The following THSD4 variants were observed in gnomAD, a reference collection of about 807,000 sequenced individuals.
THSD4 encodes the protein thrombospondin type-1 domain-containing protein 4.
THSD4 carries 69 observed loss-of-function variants against 119.0 expected under a neutral mutation model. That is an observed-to-expected ratio of 0.58 (90% CI 0.48 to 0.71). The LOEUF is 0.71. THSD4 is among the 30% of genes least tolerant of loss of function. THSD4 has a pLI of 0.00. For synonymous variants in THSD4, 524 were observed against 540.4 expected (o/e 0.97, Z 0.42); for missense variants, 1,393 against 1,391.1 (o/e 1.00, Z -0.02).
chr15:71,388,087 A>G (rs971772045), intron 6 of THSD4, among the ~76,000 whole-genome samples: 2 of 152,240 alleles, frequency 1.3e-5, no homozygotes, highest in Non-Finnish European at 2.9e-5. Flanking sequence ...TCAGGATATC[A>G]CACTTTCTCT....
At chr15:71,121,770 G>T (rs560865734) in intron 1 of THSD4, among the ~76,000 whole-genome samples, 2 of 152,260 alleles carry the variant, frequency 1.3e-5, no homozygotes, top group South Asian at 4.1e-4. Context: ...AGAGAATGCA[G>T]CTGTCTTGAG....
chr15:71,637,728 ATT>A (rs199604356), intron 7 of THSD4, among the ~76,000 whole-genome samples: 1 of 144,728 alleles, frequency 6.9e-6, no homozygotes, highest in Non-Finnish European at 1.5e-5. Context: ...CACATTATGA[ATT>A]TTTTTTTTTT....
chr15:71,770,229 C>G (rs1408243019), intron 16 of THSD4, among the ~76,000 whole-genome samples: 1 of 77,072 alleles, frequency 1.3e-5, no homozygotes, highest in Non-Finnish European at 2.3e-5. Context: ...GCCTGGGCAA[C>G]AAGAGGGAAA....
At chr15:71,585,853 C>T (rs983070242) in intron 7 of THSD4, among the ~76,000 whole-genome samples, 7 of 151,926 alleles carry the variant, frequency 4.6e-5, no homozygotes, top group African/African-American at 9.7e-5. Flanking sequence ...CTTTCTTCTG[C>T]GTGATTGAGT....
chr15:71,675,237 T>A (rs1350361589), intron 8 of THSD4, among the ~76,000 whole-genome samples: 2 of 152,204 alleles, frequency 1.3e-5, no homozygotes, highest in Non-Finnish European at 2.9e-5. Flanking sequence ...CCTTTCTTGC[T>A]TTCTTAATAC....
chr15:71,132,479 T>C (rs2040512398), intron 1 of THSD4, among the ~76,000 whole-genome samples: 1 of 152,202 alleles, frequency 6.6e-6, no homozygotes, highest in African/African-American at 2.4e-5. Context: ...GCAGATGATA[T>C]GTATAAGCAT....
chr15:71,206,828 C>A (rs1483622417), intron 3 of THSD4, among the ~76,000 whole-genome samples: 2 of 152,138 alleles, frequency 1.3e-5, no homozygotes, highest in African/African-American at 4.8e-5. Flanking sequence ...TCCATTTAAT[C>A]TATTTATTTT....
At chr15:71,662,165 C>G (rs1488189247) in intron 8 of THSD4, among the ~76,000 whole-genome samples, 2 of 152,154 alleles carry the variant, frequency 1.3e-5, no homozygotes, top group African/African-American at 4.8e-5. Context: ...TTTCAAATAT[C>G]AGGATCACCC....
intron 1 of THSD4, among the ~76,000 whole-genome samples, chr15:71,108,790 G>A (rs990068821): frequency 3.9e-5 from 6 of 152,190 alleles, no homozygotes; most frequent in African/African-American, 1.4e-4. Flanking sequence ...AAGCGATGGA[G>A]ACCATCCTGG....
At chr15:71,467,415 TTGA>T (rs2047515673) in intron 7 of THSD4, among the ~76,000 whole-genome samples, 1 of 152,192 alleles carries the variant, frequency 6.6e-6, no homozygotes, top group South Asian at 2.1e-4. Flanking sequence ...TATGCCAGGT[TTGA>T]TGAAGAGTGG....
At chr15:71,287,819 T>C (rs2044736973) in intron 6 of THSD4, among the ~76,000 whole-genome samples, 1 of 152,204 alleles carries the variant, frequency 6.6e-6, no homozygotes, top group Non-Finnish European at 1.5e-5. Flanking sequence ...GGTGCAGCTC[T>C]TCTTGGATTG....
intron 7 of THSD4, among the ~76,000 whole-genome samples, chr15:71,660,003 C>T (rs989921394): frequency 6.6e-6 from 1 of 150,842 alleles, no homozygotes; most frequent in Non-Finnish European, 1.5e-5. Context: ...AGTCCTGCTT[C>T]TGAGGCCTCT....
intron 7 of THSD4, among the ~76,000 whole-genome samples, chr15:71,469,818 C>T (rs1339026993): frequency 6.6e-6 from 1 of 152,090 alleles, no homozygotes; most frequent in Non-Finnish European, 1.5e-5. Context: ...TATCAATATT[C>T]GTTTAACGAA....
intron 7 of THSD4, among the ~76,000 whole-genome samples, chr15:71,636,644 C>T (rs373836744): frequency 6.6e-6 from 1 of 152,140 alleles, no homozygotes; most frequent in Non-Finnish European, 1.5e-5. Context: ...TTCTCCACTT[C>T]CTCTTGGCTC....
chr15:71,327,277 A>G (rs918619649), intron 6 of THSD4, among the ~76,000 whole-genome samples: 2 of 152,072 alleles, frequency 1.3e-5, no homozygotes, highest in Non-Finnish European at 2.9e-5. Context: ...ATAAATTCCC[A>G]TAGTTATGGA....
chr15:71,774,455 T>C (rs1255210970), intron 17 of THSD4, among the ~76,000 whole-genome samples: 2 of 152,226 alleles, frequency 1.3e-5, no homozygotes, highest in Non-Finnish European at 2.9e-5. Flanking sequence ...TTGTTCATTG[T>C]TGGCAACCGC....
chr15:71,280,800 A>G (rs1045053845), intron 6 of THSD4, among the ~76,000 whole-genome samples: 1 of 152,170 alleles, frequency 6.6e-6, no homozygotes, highest in Non-Finnish European at 1.5e-5. Context: ...GTCCTTCAAA[A>G]AGGTCCATCT....
intron 4 of THSD4, among the ~76,000 whole-genome samples, chr15:71,237,507 T>G (rs1449288502): frequency 5.3e-5 from 8 of 152,196 alleles, no homozygotes; most frequent in African/African-American, 1.9e-4. Context: ...AAGTGACACG[T>G]GGAGCTATCA....
At chr15:71,215,547 GA>G in intron 4 of THSD4, 148 bp downstream of exon 4, 1 of 850,142 alleles carries the variant, frequency 1.2e-6, no homozygotes, top group Non-Finnish European at 1.7e-6. Flanking sequence ...TGGGCTCCAC[GA>G]AGCTCCTTTC....
Sources: allele counts gnomAD v4.1 joint callset (sites outside exome capture counted in the v4.1 genomes callset), GRCh38; gene constraint gnomAD v4.1.1; transcripts MANE v1.5; gene names NCBI Gene and HGNC (gene_info 2026-07-23, HGNC 2026-07-21).